ZNF507: variants seen among roughly 807,000 people sequenced by gnomAD.
The protein encoded by ZNF507 is zinc finger protein 507.
In ZNF507, 29 loss-of-function variants were observed where a neutral mutation model predicts 80.0. The ratio of observed to expected loss-of-function variants is 0.36; its 90% confidence interval spans 0.27 to 0.49. The LOEUF (loss-of-function observed/expected upper bound fraction) is 0.49, where lower values mean the gene tolerates loss of function less well. ZNF507 is among the 20% of genes least tolerant of loss of function. ZNF507 has a pLI of 0.98. For missense variants in ZNF507, 1,081 were observed against 1,152.2 expected, an observed-to-expected ratio of 0.94 and a Z score of 0.90; for synonymous variants, 462 against 422.5, an observed-to-expected ratio of 1.09 and a Z score of -1.15.
rs1465195791 is a variant in ZNF507, at chr19:32,353,404, C to T, written c.574C>T (p.Gln192Ter). The change falls in exon 3 of 7, where the codon CAG (glutamine) becomes TAG (stop). Residue 192 changes from glutamine to a stop codon, truncating the protein, a stop_gained. Coordinates refer to ENST00000355898, the MANE Select transcript of ZNF507 (RefSeq NM_001136156.2). LOFTEE classifies it high-confidence loss of function. ...ANIHTQSKAQ[Q>*]CVSPSSSLCR... ...TATCCACACCCAATCCAAAGCCCAA[C>T]AGTGCGTAAGCCCCTCCAGCTCTTT... The T allele has an allele frequency of 1.2e-6, 2 of 1,614,100 alleles. No individual in the cohort carries two copies. The highest frequency in any genetic ancestry group is 1.7e-6 in the Non-Finnish European group (2 of 1,180,046).
At chr19:32,372,054 G>A (rs2145335873) in intron 5 of ZNF507, among the ~76,000 whole-genome samples, 1 of 152,248 alleles carries the variant, frequency 6.6e-6, no homozygotes, top group Non-Finnish European at 1.5e-5. Flanking sequence ...TGTTTATAAT[G>A]TCAAAAAGAT....
In ZNF507 at chr19:32,386,791, G is replaced by A. The variant is rs1452099252; in HGVS notation, c.*3708G>A. ...TTAGAATAATTTATTTTGCTTTACA[G>A]GAGTTTGTCATGTATTGACTTTAAT... On this transcript the variant is annotated 3_prime_UTR_variant, in exon 7 of 7. Transcript: ENST00000355898. 6.6e-6 allele frequency: 1 copy of A among 152,570 alleles called. No homozygotes were observed. The highest frequency in any genetic ancestry group is 1.5e-5 in the Non-Finnish European group (1 of 68,018). 9.5% of individuals were successfully genotyped at this position (152,570 alleles called of 1,614,324 possible). A position where few individuals can be genotyped will look rare whatever the true frequency, so the allele number is the denominator to read the frequency against.
chr19:32,357,766 A>G (rs1386786489), intron 4 of ZNF507: 1 of 152,166 alleles, frequency 6.6e-6, no homozygotes, highest in Non-Finnish European at 1.5e-5. Context: ...TTAATTCATT[A>G]TGTTTCCATA....
At chr19:32,362,202 G>A (rs1967338279) in intron 5 of ZNF507, among the ~76,000 whole-genome samples, 1 of 152,138 alleles carries the variant, frequency 6.6e-6, no homozygotes, top group Non-Finnish European at 1.5e-5. Context: ...TTAATAGGTG[G>A]GACTGAGTAT....
intron 4 of ZNF507, among the ~76,000 whole-genome samples, 199 bp from the exon 5 acceptor site, chr19:32,360,305 T>C (rs978388485): frequency 7.2e-5 from 11 of 152,228 alleles, no homozygotes; most frequent in African/African-American, 2.7e-4. Flanking sequence ...GGTCAGATGA[T>C]GTTCAGTTTA....
Position 32,383,078 on chromosome 19 carries a change from A to G in ZNF507, c.2857A>G (p.Asn953Asp). The G allele has an allele frequency of 6.2e-7, 1 of 1,609,340 alleles. No homozygotes were observed. The highest frequency in any genetic ancestry group is 8.5e-7 in the Non-Finnish European group (1 of 1,176,222). The change falls in exon 7 of 7, where the codon AAT becomes GAT. Residue 953 changes from asparagine to aspartate, a missense_variant. Physicochemically the swap from Asn to Asp is conservative, Grantham distance 23. Transcript: ENST00000355898. Reference sequence around the variant, plus strand: ...GGACCACAATACAGCTCTAAACACAAATTAGGTGGAATAATGACTCGAGCA... The same window carrying G: ...GGACCACAATACAGCTCTAAACACAGATTAGGTGGAATAATGACTCGAGCA... ...NKDHNTALNT[N>D]
chr19:32,348,187 C>G (rs7260314), intron 2 of ZNF507, among the ~76,000 whole-genome samples: 1 of 151,882 alleles, frequency 6.6e-6, no homozygotes, highest in East Asian at 1.9e-4. Flanking sequence ...GGGGAGGGAC[C>G]CTTGAGCTTA....
chr19:32,378,217 G>A (rs776144187), intron 5 of ZNF507, among the ~76,000 whole-genome samples: 2 of 152,094 alleles, frequency 1.3e-5, no homozygotes, highest in Non-Finnish European at 2.9e-5. Context: ...GCCAGGCGTG[G>A]TGGCACACAC....
chr19:32,369,919 C>G (rs1042089170), intron 5 of ZNF507, among the ~76,000 whole-genome samples: 7 of 152,074 alleles, frequency 4.6e-5, no homozygotes, highest in Non-Finnish European at 1.0e-4. Context: ...CCACCCCCAG[C>G]CCCTGGTAAC....
rs370267229 is a variant in ZNF507 at position 32,353,336 on chromosome 19, A to C, written c.506A>C (p.Glu169Ala). The change falls in exon 3 of 7, where the codon GAA (glutamate) becomes GCA (alanine). Residue 169 changes from glutamate (E) to alanine (A), a missense_variant. Coordinates refer to ENST00000355898, the MANE Select transcript of ZNF507 (RefSeq NM_001136156.2). The part of the protein sequence containing the change: ...ECHITSRSQE[E>A]LEAHVVNDHD... ...CATATTACATCTAGAAGCCAGGAGGAACTTGAAGCCCACGTGGTGAATGAC... is the reference window on the plus strand; with the variant it reads ...CATATTACATCTAGAAGCCAGGAGGCACTTGAAGCCCACGTGGTGAATGAC... The C allele has an allele frequency of 6.2e-7, 1 of 1,614,080 alleles. No homozygotes were observed. Among genetic ancestry groups the C allele is most frequent in the African/African-American group, 1.3e-5 (1 of 74,930 alleles).
At position 32,354,964 on chromosome 19, in the gene ZNF507, A is replaced by C; in HGVS notation, c.2127+7A>C. The C allele has an allele frequency of 6.3e-7, 1 of 1,588,118 alleles. No individual in the cohort carries two copies. The highest frequency in any genetic ancestry group is 8.6e-7 in the Non-Finnish European group (1 of 1,166,676). ...AGAATCCTTCCATTATAAGGTAAGC[A>C]TTGGTTCAGGAAGTCTTTCAGAGGA... On this transcript the variant is annotated splice_region_variant and intron_variant, in intron 3 of 6. Transcript: ENST00000355898.
intron 4 of ZNF507, chr19:32,357,160 C>G (rs1401862133): frequency 1.3e-5 from 2 of 153,256 alleles, no homozygotes; most frequent in African/African-American, 4.8e-5. Context: ...TTATTCTTAC[C>G]CAAGTATGAC....
intron 2 of ZNF507, among the ~76,000 whole-genome samples, chr19:32,350,776 G>A (rs1488961760): frequency 5.9e-5 from 9 of 152,300 alleles, no homozygotes; most frequent in African/African-American, 1.2e-4. Flanking sequence ...GCCGTATCGT[G>A]TTCAGGAGGA....
chr19:32,370,102 A>T (rs1967449625), intron 5 of ZNF507, among the ~76,000 whole-genome samples: 1 of 152,242 alleles, frequency 6.6e-6, no homozygotes, highest in African/African-American at 2.4e-5. Flanking sequence ...GTGTGCGTGC[A>T]TACGTGTGTG....
Position 32,382,354 on chromosome 19 carries a change from T to G in ZNF507, c.2361-113T>G, listed in dbSNP as rs991573020. ...ACATCTTAGATTCAGTGAAATACGA[T>G]ATGTCTAATAAGGGTTCGGAGGAAG... On this transcript the variant is annotated intron_variant, in intron 5 of 6. Transcript: ENST00000355898. 4 of 1,289,262 alleles carry G rather than the reference T, an allele frequency of 3.1e-6. No homozygotes were observed. The African/African-American group carries it at 5.9e-5, about 19-fold the overall frequency. The allele number at this position is 1,289,262 out of a possible 1,614,324, so 79.9% of individuals were successfully genotyped here. A position where few individuals can be genotyped will look rare whatever the true frequency, so the allele number is the denominator to read the frequency against.
intron 5 of ZNF507, among the ~76,000 whole-genome samples, chr19:32,364,345 T>TTTTTCCATAAGTTGTTGAGGTACA (rs1967368281): frequency 6.6e-6 from 1 of 152,188 alleles, no homozygotes; most frequent in African/African-American, 2.4e-5. Flanking sequence ...TTAAATTTTA[T>TTTTTCCATAAGTTGTTGAGGTACA]TTTTCCATAA....
rs1246745433 is a variant in ZNF507, at chr19:32,361,795, CTTTCCTTCCTTCG to C, written c.2360+1190_2360+1202del. ...CCCTCTCTCCCTCCCTCCTTCCTTCCTTTCCTTCCTTCGTTTCCTTCCTTCCTTTCCTTTCTTC... is the reference window on the plus strand; with the variant it reads ...CCCTCTCTCCCTCCCTCCTTCCTTCCTTTCCTTCCTTCCTTTCCTTTCTTC... On this transcript the variant is annotated intron_variant, in intron 5 of 6. Coordinates refer to ENST00000355898, the MANE Select transcript of ZNF507 (RefSeq NM_001136156.2). Among the ~76,000 whole-genome samples the C allele has an allele frequency of 2.1e-5, 3 of 140,372 alleles. No homozygotes were observed. The Admixed American group carries it at 2.1e-4, about 10-fold the overall frequency. 92.1% of individuals were successfully genotyped at this position (140,372 alleles called of 152,430 possible). A position where few individuals can be genotyped will look rare whatever the true frequency, so the allele number is the denominator to read the frequency against.
At chr19:32,381,283 A>G (rs1246155864) in intron 5 of ZNF507, among the ~76,000 whole-genome samples, 1 of 152,088 alleles carries the variant, frequency 6.6e-6, no homozygotes. Context: ...TGACGCTGGA[A>G]TGGTGGATTC....
intron 4 of ZNF507, chr19:32,358,481 G>C (rs568546284): frequency 1.3e-5 from 2 of 152,292 alleles, no homozygotes; most frequent in South Asian, 2.1e-4. Context: ...TAGATACTGT[G>C]TTAGGTGCTG....
Sources: allele counts gnomAD v4.1 joint callset (sites outside exome capture counted in the v4.1 genomes callset), GRCh38; gene constraint gnomAD v4.1.1; transcripts MANE v1.5; gene names NCBI Gene and HGNC (gene_info 2026-07-23, HGNC 2026-07-21).